MYO9B: variants seen among roughly 807,000 people sequenced by gnomAD.
MYO9B encodes the protein unconventional myosin-IXb.
MYO9B carries 71 observed loss-of-function variants against 229.5 expected under a neutral mutation model. The ratio of observed to expected loss-of-function variants is 0.31; its 90% CI spans 0.26 to 0.38. The LOEUF is 0.38. Ranked by LOEUF, MYO9B falls within the 10% of genes least tolerant of loss-of-function variation. MYO9B has a pLI of 1.00. For missense variants in MYO9B, 2,255 were observed against 2,920.5 expected, an observed-to-expected ratio of 0.77 and a Z score of 5.25; for synonymous variants, 1,185 against 1,235.8, an observed-to-expected ratio of 0.96 and a Z score of 0.86.
chr19:17,161,393 C>T (rs1321061225), intron 8 of MYO9B, among the ~76,000 whole-genome samples: 1 of 152,232 alleles, frequency 6.6e-6, no homozygotes, highest in African/African-American at 2.4e-5. Flanking sequence ...ACAGAGACCA[C>T]CTTGGCTGGT....
chr19:17,108,606 C>T (rs2057816028), intron 2 of MYO9B, among the ~76,000 whole-genome samples: 1 of 152,200 alleles, frequency 6.6e-6, no homozygotes, highest in Non-Finnish European at 1.5e-5. Flanking sequence ...GGGAATAGAA[C>T]AGCTGTCTTT....
At chr19:17,149,462 A>G (rs1226264805) in intron 3 of MYO9B, among the ~76,000 whole-genome samples, 2 of 152,194 alleles carry the variant, frequency 1.3e-5, no homozygotes, top group Non-Finnish European at 2.9e-5. Context: ...CAGGTCTCCC[A>G]GACCAGCTTT....
chr19:17,203,099 G>C (rs2073125967), intron 29 of MYO9B, 48 bp from the exon 30 acceptor site: 1 of 1,488,134 alleles, frequency 6.7e-7, no homozygotes, highest in East Asian at 2.5e-5. Flanking sequence ...TGGCTGGGGA[G>C]GGCTGCCTTC....
intron 1 of MYO9B, among the ~76,000 whole-genome samples, chr19:17,077,728 A>T (rs149771967): frequency 6.6e-6 from 1 of 152,138 alleles, no homozygotes; most frequent in African/African-American, 2.4e-5. Flanking sequence ...CATGTCCCCC[A>T]GCTCCCGGCC....
At chr19:17,176,879 C>A (rs1479181271) in intron 14 of MYO9B, among the ~76,000 whole-genome samples, 1 of 152,168 alleles carries the variant, frequency 6.6e-6, no homozygotes, top group Non-Finnish European at 1.5e-5. Flanking sequence ...TGCACGCACC[C>A]AAGCATGTGC....
chr19:17,096,706 G>GT (rs71180359), intron 1 of MYO9B, among the ~76,000 whole-genome samples: 94 of 21,394 alleles, frequency 4.4e-3, no homozygotes, highest in Middle Eastern at 0.056. Flanking sequence ...GTTGTTGTTG[G>GT]TTTTTTTTTT....
chr19:17,107,132 G>C (rs1340895447), intron 2 of MYO9B, among the ~76,000 whole-genome samples: 2 of 152,130 alleles, frequency 1.3e-5, no homozygotes, highest in Non-Finnish European at 2.9e-5. Flanking sequence ...GCTCTCAGGA[G>C]CTTGAAGTGG....
chr19:17,085,375 G>C (rs116737501), intron 1 of MYO9B, among the ~76,000 whole-genome samples: 1 of 152,108 alleles, frequency 6.6e-6, no homozygotes. Context: ...AGCACTCCAC[G>C]TGGAAACTAG....
intron 9 of MYO9B, 33 bp from the exon 10 acceptor site, chr19:17,162,955 G>A (rs750788852): frequency 1.5e-5 from 24 of 1,598,466 alleles, no homozygotes; most frequent in African/African-American, 4.0e-5. Flanking sequence ...GGGTGCACCT[G>A]CGGGCAGTGA....
At chr19:17,133,419 C>G (rs2072227793) in intron 2 of MYO9B, among the ~76,000 whole-genome samples, 1 of 152,016 alleles carries the variant, frequency 6.6e-6, no homozygotes, top group Admixed American at 6.6e-5. Flanking sequence ...CAGCATCTCC[C>G]CAACCCTGCC....
intron 2 of MYO9B, among the ~76,000 whole-genome samples, chr19:17,118,888 G>A (rs1019303956): frequency 6.6e-6 from 1 of 152,172 alleles, no homozygotes; most frequent in African/African-American, 2.4e-5. Flanking sequence ...CTCCAAGGAG[G>A]ATGAGAAGAC....
chr19:17,188,667 T>G (rs1026773129), intron 19 of MYO9B, among the ~76,000 whole-genome samples: 1 of 152,146 alleles, frequency 6.6e-6, no homozygotes, highest in Non-Finnish European at 1.5e-5. Flanking sequence ...GAAATGCTGG[T>G]GTATTTTACC....
intron 13 of MYO9B, among the ~76,000 whole-genome samples, chr19:17,173,246 G>C (rs2072745903): frequency 6.7e-6 from 1 of 149,734 alleles, no homozygotes; most frequent in Non-Finnish European, 1.5e-5. Flanking sequence ...TGATAATGTA[G>C]CTCTTCCTAG....
At chr19:17,194,086 C>A (rs1039085546) in intron 21 of MYO9B, among the ~76,000 whole-genome samples, 3 of 152,062 alleles carry the variant, frequency 2.0e-5, no homozygotes, top group African/African-American at 7.2e-5. Flanking sequence ...ACACAAGAAT[C>A]ACTTGAACCC....
chr19:17,090,547 T>C (rs535900405), intron 1 of MYO9B, among the ~76,000 whole-genome samples: 29 of 152,346 alleles, frequency 1.9e-4, no homozygotes, highest in Non-Finnish European at 1.5e-5. Context: ...TTACCACTTT[T>C]TGGCATTTCT....
intron 6 of MYO9B, among the ~76,000 whole-genome samples, chr19:17,155,230 T>G (rs2072523906): frequency 1.3e-5 from 2 of 151,926 alleles, no homozygotes; most frequent in South Asian, 4.2e-4. Flanking sequence ...CTCTTTCACC[T>G]AAGCTGGAGT....
At chr19:17,104,453 A>T (rs190200601) in intron 2 of MYO9B, among the ~76,000 whole-genome samples, 9 of 152,300 alleles carry the variant, frequency 5.9e-5, no homozygotes, top group Admixed American at 3.9e-4. Context: ...CACAGCACCC[A>T]TCATTGCAGG....
rs1047188761 is a variant in MYO9B, at chr19:17,180,847, G to T, written c.2220-80G>T. On this transcript the variant is annotated intron_variant, in intron 14 of 39. Coordinates refer to ENST00000682292, the MANE Select transcript of MYO9B (RefSeq NM_004145.4). ...GTGGCCTGGGGATGGTCCCAATGGCGCTGGGAACCCCGAGGTGGCAGGCCT... is the reference window on the plus strand; with the variant it reads ...GTGGCCTGGGGATGGTCCCAATGGCTCTGGGAACCCCGAGGTGGCAGGCCT... 1.3e-5 allele frequency: 12 copies of T among 933,304 alleles called. No homozygotes were observed. In the Admixed American group the frequency reaches 2.0e-4, roughly 15 times the overall value. The allele number at this position is 933,304 out of a possible 1,614,324, so 57.8% of individuals were successfully genotyped here.
intron 11 of MYO9B, among the ~76,000 whole-genome samples, chr19:17,169,087 C>T (rs958093368): frequency 6.6e-6 from 1 of 152,086 alleles, no homozygotes; most frequent in Non-Finnish European, 1.5e-5. Context: ...AAGATTCCAC[C>T]TCGGCCAGGC....
Sources: gnomAD v4.1 joint callset for allele counts (sites outside exome capture counted in the v4.1 genomes callset) on GRCh38, gnomAD v4.1.1 for gene constraint, MANE v1.5 for transcripts, NCBI Gene and HGNC (gene_info 2026-07-23, HGNC 2026-07-21) for gene names.